Variants in OXNAD1 observed in about 807,000 individuals in gnomAD.
OXNAD1 encodes the protein oxidoreductase NAD-binding domain-containing protein 1.
A neutral mutation model predicts 32.9 loss-of-function variants in OXNAD1; 34 were observed. That is an observed-to-expected ratio of 1.03 (90% CI 0.79 to 1.38). The LOEUF is 1.38. OXNAD1 is among the 40% of genes most tolerant of loss of function. The pLI is 0.00. For synonymous variants in OXNAD1, 134 were observed against 135.2 expected, an observed-to-expected ratio of 0.99 and a Z score of 0.06; for missense variants, 407 against 379.4, an observed-to-expected ratio of 1.07 and a Z score of -0.60.
At chr3:16,311,669 C>T (rs942219195) in intron 9 of OXNAD1, among the ~76,000 whole-genome samples, 4 of 152,168 alleles carry the variant, frequency 2.6e-5, no homozygotes, top group African/African-American at 9.7e-5. Context: ...GAATAACTCT[C>T]AAATCTATCC....
chr3:16,269,702 C>T (rs113295458), intron 2 of OXNAD1, among the ~76,000 whole-genome samples: 4,774 of 152,232 alleles, frequency 0.031, 106 homozygotes, highest in Middle Eastern at 0.082. Context: ...GATAGATACT[C>T]GTTGAATGAA....
rs2066923852 is a variant in OXNAD1 at position 16,298,068 on chromosome 3, C to T, written c.432+3071C>T. On this transcript the variant is annotated intron_variant, in intron 6 of 8. Coordinates refer to ENST00000285083, the MANE Select transcript of OXNAD1 (RefSeq NM_138381.5). This position sits in a 1 kb window ranked among gnomAD's most constrained non-coding sequence, Gnocchi z 5.1. ...AGTTGTGTCTGTCCAGGATAACCCC[C>T]AGATGCCTGTGTAGGCATTTCCATT... 6.6e-6 allele frequency among the ~76,000 whole-genome samples: 1 copy of T among 152,136 alleles called. No individual in the cohort carries two copies. The highest frequency in any genetic ancestry group is 2.4e-5 in the African/African-American group (1 of 41,412).
Position 16,301,881 on chromosome 3 carries a change from T to C in OXNAD1, c.675+13T>C. ...ACTCCTGTTTAAGGTAAGGGAGGTATAGCTTGCTGTAAGCAAACTTGTGTA... is the reference window on the plus strand; with the variant it reads ...ACTCCTGTTTAAGGTAAGGGAGGTACAGCTTGCTGTAAGCAAACTTGTGTA... On this transcript the variant is annotated intron_variant, in intron 7 of 8. Coordinates refer to ENST00000285083, the MANE Select transcript of OXNAD1 (RefSeq NM_138381.5). This position sits in a 1 kb window ranked among gnomAD's most constrained non-coding sequence, Gnocchi z 4.1. 1 of 1,610,064 alleles carries C rather than the reference T, an allele frequency of 6.2e-7. No homozygotes were observed. The highest frequency in any genetic ancestry group is 8.5e-7 in the Non-Finnish European group (1 of 1,177,166).
Position 16,337,313 on chromosome 3 carries a change from T to A in OXNAD1, c.*232T>A, listed in dbSNP as rs1387101192. On this transcript the variant is annotated 3_prime_UTR_variant, in exon 10 of 10. Transcript: ENST00000435829. This position sits in a 1 kb window ranked among gnomAD's most constrained non-coding sequence, Gnocchi z 5.0. Reference sequence around the variant, plus strand: ...AAATCACCCAGCTGACCTGTTTGGGTTATGATTTTAACTCACTAAGCTTTG... The same window carrying A: ...AAATCACCCAGCTGACCTGTTTGGGATATGATTTTAACTCACTAAGCTTTG... 6.6e-6 allele frequency: 1 copy of A among 152,182 alleles called. No homozygotes were observed. The highest frequency in any genetic ancestry group is 1.9e-4 in the East Asian group (1 of 5,196). 9.4% of individuals were successfully genotyped at this position (152,182 alleles called of 1,614,324 possible). A position where few individuals can be genotyped will look rare whatever the true frequency, so the allele number is the denominator to read the frequency against.
At chr3:16,338,475 C>G (rs150602564), downstream of OXNAD1, among the ~76,000 whole-genome samples, 171 of 152,374 alleles carry the variant, frequency 1.1e-3, no homozygotes, top group African/African-American at 4.1e-3. This position sits in a 1 kb window ranked among gnomAD's most constrained non-coding sequence, Gnocchi z 5.3. Flanking sequence ...TAGCACAGGG[C>G]TCCTGTCCTC....
rs1244799562 is a variant in OXNAD1, at chr3:16,320,709, A to AT, written c.*31-16402dup. Reference sequence around the variant, plus strand: ...TCGAGTAGAGCTAGAAAGGAGGAGAATGTCCTTGGCAGAGGGGACACGGAA... The same window carrying AT: ...TCGAGTAGAGCTAGAAAGGAGGAGAATTGTCCTTGGCAGAGGGGACACGGAA... On this transcript the variant is annotated intron_variant, in intron 9 of 9. Coordinates refer to the OXNAD1 transcript ENST00000435829. This position sits in a 1 kb window ranked among gnomAD's most constrained non-coding sequence, Gnocchi z 4.5. 6.6e-6 allele frequency among the ~76,000 whole-genome samples: 1 copy of AT among 152,212 alleles called. No homozygotes were observed. Among genetic ancestry groups the AT allele is most frequent in the Non-Finnish European group, 1.5e-5 (1 of 68,032 alleles).
At chr3:16,310,620 C>G (rs1394965905), downstream of OXNAD1, among the ~76,000 whole-genome samples, 1 of 152,130 alleles carries the variant, frequency 6.6e-6, no homozygotes, top group African/African-American at 2.4e-5. Context: ...GACCCAGTCC[C>G]TACAGTTGAC....
At chr3:16,270,185 A>G (rs777092993) in intron 2 of OXNAD1, among the ~76,000 whole-genome samples, 2 of 152,242 alleles carry the variant, frequency 1.3e-5, no homozygotes, top group Non-Finnish European at 2.9e-5. Context: ...CATTGTCACT[A>G]CCACCTCCCA....
At chr3:16,310,991 C>CAAA (rs1003070321), downstream of OXNAD1, among the ~76,000 whole-genome samples, 460 of 57,272 alleles carry the variant, frequency 8.0e-3, 1 homozygote, top group Non-Finnish European at 0.011. Context: ...ACTCAGTCTC[C>CAAA]AAAAAAAAAA....
At chr3:16,326,695 C>T (rs572578132) in intron 9 of OXNAD1, 10 of 1,040,470 alleles carry the variant, frequency 9.6e-6, no homozygotes, top group African/African-American at 4.7e-5. Context: ...AATTTATAGA[C>T]GTGAGGTGCT....
At position 16,334,856 on chromosome 3, in the gene OXNAD1, G is replaced by A. The variant is rs1172750477; in HGVS notation, c.*31-2256G>A. 6.6e-6 allele frequency among the ~76,000 whole-genome samples: 1 copy of A among 152,202 alleles called. No homozygotes were observed. The highest frequency in any genetic ancestry group is 1.5e-5 in the Non-Finnish European group (1 of 68,046). ...ATCCAGGATTATCCAGGTGTGCCCA[G>A]TATAATCACAGGGGTCCTTATAAGG... On this transcript the variant is annotated intron_variant, in intron 9 of 9. Transcript: ENST00000435829. The surrounding 1 kb of genome is among the most constrained non-coding windows in gnomAD (Gnocchi z 4.3).
At chr3:16,270,889 G>GA in intron 2 of OXNAD1, 56 bp from the exon 3 acceptor site, 1 of 1,608,670 alleles carries the variant, frequency 6.2e-7, no homozygotes, top group Non-Finnish European at 8.5e-7. Flanking sequence ...AAAATAGTCT[G>GA]ATATTTCCCC....
intron 9 of OXNAD1, among the ~76,000 whole-genome samples, chr3:16,311,667 C>T (rs1203617484): frequency 6.6e-6 from 1 of 152,186 alleles, no homozygotes; most frequent in Non-Finnish European, 1.5e-5. Flanking sequence ...CTGAATAACT[C>T]TCAAATCTAT....
chr3:16,308,487 T>C (rs541008092), downstream of OXNAD1, among the ~76,000 whole-genome samples: 6 of 152,280 alleles, frequency 3.9e-5, no homozygotes, highest in African/African-American at 1.2e-4. This position sits in a 1 kb window ranked among gnomAD's most constrained non-coding sequence, Gnocchi z 4.4. Context: ...AAACAGCAAT[T>C]TCCTCCATTC....
chr3:16,300,809 A>G (rs1423603526), intron 6 of OXNAD1, among the ~76,000 whole-genome samples: 1 of 152,208 alleles, frequency 6.6e-6, no homozygotes, highest in Admixed American at 6.5e-5. Context: ...GAAACCACGA[A>G]TTTTGTAGGA....
In OXNAD1 at chr3:16,294,934, G is replaced by T. The variant is rs2066671201; in HGVS notation, c.369G>T (p.Glu123Asp). Residue 123 changes from glutamate (E) to aspartate (D), a missense_variant, in exon 6 of 9, where the codon GAG (glutamate) becomes GAT (aspartate). Physicochemically the swap from Glu to Asp is conservative, Grantham distance 45 (BLOSUM62 2). Transcript: ENST00000285083. ...CCAGTCCCAGACTGCTAGAACAAGA[G>T]AGAGTGATAGAATTGGCAGTGAAAT... Reference protein sequence around the residue: ...ICSSPRLLEQERVIELAVKYT... With the variant: ...ICSSPRLLEQDRVIELAVKYT... 1.9e-6 allele frequency: 3 copies of T among 1,613,542 alleles called. No homozygotes were observed. The highest frequency in any genetic ancestry group is 2.5e-6 in the Non-Finnish European group (3 of 1,179,710).
At chr3:16,281,831 G>C (rs1009856851) in intron 4 of OXNAD1, among the ~76,000 whole-genome samples, 1 of 151,172 alleles carries the variant, frequency 6.6e-6, no homozygotes, top group Non-Finnish European at 1.5e-5. Flanking sequence ...AATCTACCTC[G>C]AGGCTGTATT....
intron 2 of OXNAD1, among the ~76,000 whole-genome samples, chr3:16,269,782 T>C (rs74329829): frequency 0.015 from 2,301 of 152,310 alleles, 75 homozygotes; most frequent in East Asian, 0.12. Flanking sequence ...CAGCAATTTA[T>C]CACAATTAAT....
In OXNAD1 at chr3:16,320,009, G is replaced by A. The variant is rs767627981; in HGVS notation, c.*30+16417G>A. Among the ~76,000 whole-genome samples the A allele has an allele frequency of 4.6e-5, 7 of 152,230 alleles. No individual in the cohort carries two copies. Among genetic ancestry groups the A allele is most frequent in the Non-Finnish European group, 1.0e-4 (7 of 68,036 alleles). The stretch of plus-strand genomic sequence containing the variant: ...GCCAGAGCATCTGTGGCAGTTGGGT[G>A]TGTCACCAAATCCAATTAGCCGCCC... On this transcript the variant is annotated intron_variant, in intron 9 of 9. Coordinates refer to the OXNAD1 transcript ENST00000435829. The surrounding 1 kb of genome is among the most constrained non-coding windows in gnomAD (Gnocchi z 4.5).
Sources: gnomAD v4.1 joint callset for allele counts (sites outside exome capture counted in the v4.1 genomes callset) on GRCh38, gnomAD v4.1.1 for gene constraint, Gnocchi (gnomAD v3.1) non-coding constraint, MANE v1.5 for transcripts, NCBI Gene and HGNC (gene_info 2026-07-23, HGNC 2026-07-21) for gene names.